Variants in PLEKHG1 observed in about 807,000 individuals in gnomAD.
PLEKHG1 encodes the protein pleckstrin homology and RhoGEF domain containing G1, also known as pleckstrin homology domain-containing family G member 1.
A neutral mutation model predicts 100.8 loss-of-function variants in PLEKHG1; 44 were observed. That is an observed-to-expected ratio of 0.44 (90% confidence interval 0.34 to 0.56). The LOEUF is 0.56. Ranked by LOEUF, PLEKHG1 falls within the 20% of genes least tolerant of loss-of-function variation. PLEKHG1 has a pLI of 0.01. For synonymous variants in PLEKHG1, 640 were observed against 662.5 expected (o/e 0.97, Z 0.52); for missense variants, 1,545 against 1,720.9 (o/e 0.90, Z 1.81).
intron 3 of PLEKHG1, among the ~76,000 whole-genome samples, chr6:150,703,143 C>A (rs6914631): frequency 0.043 from 6,464 of 151,760 alleles, 443 homozygotes; most frequent in African/African-American, 0.15. Flanking sequence ...CAGGTTTTAG[C>A]CTCATAATAA....
At chr6:150,802,882 G>A (rs746057027) in intron 6 of PLEKHG1, among the ~76,000 whole-genome samples, 9 of 151,898 alleles carry the variant, frequency 5.9e-5, no homozygotes, top group African/African-American at 1.2e-4. Context: ...GGATGGTCTC[G>A]ATCTCTTGAC....
chr6:150,670,044 A>T (rs1779531687), intron 3 of PLEKHG1, among the ~76,000 whole-genome samples: 1 of 152,226 alleles, frequency 6.6e-6, no homozygotes, highest in African/African-American at 2.4e-5. Flanking sequence ...TTTGTGTTTA[A>T]AGAAAACAGT....
At chr6:150,771,822 A>G (rs1784728164) in intron 3 of PLEKHG1, among the ~76,000 whole-genome samples, 1 of 152,184 alleles carries the variant, frequency 6.6e-6, no homozygotes, top group African/African-American at 2.4e-5. Context: ...AAGAAATGGT[A>G]TTATGCTGGC....
intron 4 of PLEKHG1, among the ~76,000 whole-genome samples, chr6:150,789,016 T>C (rs1562520044): frequency 1.3e-5 from 2 of 152,202 alleles, no homozygotes; most frequent in Non-Finnish European, 2.9e-5. Flanking sequence ...TGTTTACATA[T>C]TAAGTCTTTC....
intron 14 of PLEKHG1, chr6:150,827,869 G>A (rs1367378414): frequency 2.1e-6 from 3 of 1,462,038 alleles, no homozygotes; most frequent in East Asian, 4.5e-5. Flanking sequence ...GAGGATGAAT[G>A]TGCTATTGAA....
chr6:150,668,548 T>C (rs775885791), intron 3 of PLEKHG1, among the ~76,000 whole-genome samples: 6 of 152,218 alleles, frequency 3.9e-5, no homozygotes, highest in Non-Finnish European at 8.8e-5. Flanking sequence ...AACTCTCCTT[T>C]GATCTGTCGA....
intron 3 of PLEKHG1, among the ~76,000 whole-genome samples, chr6:150,676,602 T>A (rs953447930): frequency 2.6e-5 from 4 of 152,154 alleles, no homozygotes; most frequent in African/African-American, 7.2e-5. Context: ...CAAGAACTTA[T>A]TGAGCAACTG....
intron 11 of PLEKHG1, among the ~76,000 whole-genome samples, chr6:150,818,605 G>T (rs764333239): frequency 6.6e-5 from 10 of 152,144 alleles, no homozygotes; most frequent in Non-Finnish European, 1.2e-4. Context: ...CAATCACTTC[G>T]TAGTATTGGT....
Position 150,694,676 on chromosome 6 carries a change from G to A in PLEKHG1, c.-98-38908G>A, listed in dbSNP as rs148878789. ...GATGGTACCATTGTACTCCAGCCTG[G>A]GCAACAGTGAGACTCTGTCTCAAAA... On this transcript the variant is annotated intron_variant, in intron 3 of 3. Transcript: ENST00000367326. Among the ~76,000 whole-genome samples, 8 of 149,278 alleles carry A rather than the reference G, an allele frequency of 5.4e-5. No homozygotes were observed. In the East Asian group the frequency reaches 1.6e-3, roughly 29 times the overall value.
upstream of PLEKHG1, among the ~76,000 whole-genome samples, chr6:150,716,516 C>T (rs1383330358): frequency 6.6e-6 from 1 of 152,212 alleles, no homozygotes; most frequent in African/African-American, 2.4e-5. Flanking sequence ...CTGGGCCGCC[C>T]TTTCCTTCTT....
intron 3 of PLEKHG1, among the ~76,000 whole-genome samples, chr6:150,712,650 T>TG (rs1467618620): frequency 2.0e-5 from 3 of 152,242 alleles, no homozygotes; most frequent in Non-Finnish European, 4.4e-5. Flanking sequence ...CTTTGTTCTG[T>TG]TAACATAAAC....
chr6:150,792,537 G>A (rs545397426), intron 4 of PLEKHG1, among the ~76,000 whole-genome samples: 1 of 151,922 alleles, frequency 6.6e-6, no homozygotes, highest in East Asian at 1.9e-4. Context: ...AGCTGGGTGT[G>A]GTGGTGAGTG....
At chr6:150,605,406 G>A (rs1776558311) in intron 1 of PLEKHG1, 1 of 152,222 alleles carries the variant, frequency 6.6e-6, no homozygotes, top group African/African-American at 2.4e-5. Flanking sequence ...GTAAAGTAGG[G>A]AGTAAGAATG....
chr6:150,828,219 C>T (rs765067973), intron 14 of PLEKHG1: 24 of 1,613,588 alleles, frequency 1.5e-5, no homozygotes, highest in South Asian at 8.8e-5. Flanking sequence ...GAGTGTTTGG[C>T]GGCATGAACC....
chr6:150,633,484 G>A (rs1477175313), intron 1 of PLEKHG1, among the ~76,000 whole-genome samples: 3 of 152,200 alleles, frequency 2.0e-5, no homozygotes, highest in Admixed American at 6.5e-5. Flanking sequence ...AGAGTGCAGA[G>A]CTTTAGCTGG....
Position 150,823,690 on chromosome 6 carries a change from C to A in PLEKHG1, c.1470+14C>A. 6.2e-7 allele frequency: 1 copy of A among 1,606,204 alleles called. No homozygotes were observed. On this transcript the variant is annotated intron_variant, in intron 14 of 15. Coordinates refer to ENST00000358517, the Ensembl canonical transcript of PLEKHG1. ...GACATCCAAAAGGTAAGCTCTATCTCATTTCTTACTTGGAAATGTTCACTT... is the reference window on the plus strand; with the variant it reads ...GACATCCAAAAGGTAAGCTCTATCTAATTTCTTACTTGGAAATGTTCACTT...
chr6:150,657,629 T>C (rs1191330583), intron 3 of PLEKHG1, among the ~76,000 whole-genome samples: 1 of 152,270 alleles, frequency 6.6e-6, no homozygotes, highest in Admixed American at 6.5e-5. Context: ...TTCAAGGCTA[T>C]GTTTCAGATG....
chr6:150,704,403 G>A (rs548317325), intron 3 of PLEKHG1, among the ~76,000 whole-genome samples: 1 of 152,326 alleles, frequency 6.6e-6, no homozygotes, highest in South Asian at 2.1e-4. Flanking sequence ...CATGATTCCT[G>A]CCTAGTTCTA....
At chr6:150,674,682 T>TCTCTCTCTCTC (rs1455673564) in intron 3 of PLEKHG1, among the ~76,000 whole-genome samples, 5 of 104,302 alleles carry the variant, frequency 4.8e-5, no homozygotes, top group African/African-American at 7.0e-5. Context: ...TCTCTCTCTC[T>TCTCTCTCTCTC]CCCCCCTCTT....
Sources: gnomAD v4.1 joint callset for allele counts (sites outside exome capture counted in the v4.1 genomes callset) on GRCh38, gnomAD v4.1.1 for gene constraint, MANE v1.5 for transcripts, NCBI Gene and HGNC (gene_info 2026-07-23, HGNC 2026-07-21) for gene names.